Variants in SNRPN observed in about 807,000 individuals in gnomAD.
The protein encoded by SNRPN is small nuclear ribonucleoprotein-associated protein N.
A neutral mutation model predicts 25.2 loss-of-function variants in SNRPN; 7 were observed. The ratio of observed to expected loss-of-function variants is 0.28; its 90% CI spans 0.16 to 0.52. The LOEUF is 0.52. Ranked by LOEUF, SNRPN falls within the 20% of genes least tolerant of loss-of-function variation. SNRPN has a pLI of 0.96. For synonymous variants in SNRPN, 124 were observed against 110.6 expected, an observed-to-expected ratio of 1.12 and a Z score of -0.76; for missense variants, 196 against 322.5, an observed-to-expected ratio of 0.61 and a Z score of 3.00.
At chr15:24,946,478 T>C (rs2061894833) in intron 3 of SNRPN, among the ~76,000 whole-genome samples, 1 of 152,162 alleles carries the variant, frequency 6.6e-6, no homozygotes, top group Non-Finnish European at 1.5e-5. Context: ...TTTTGTTTTT[T>C]TGAGACGAAG....
intron 2 of SNRPN, among the ~76,000 whole-genome samples, chr15:24,904,409 C>T (rs1447506875): frequency 1.3e-5 from 2 of 152,126 alleles, no homozygotes; most frequent in Non-Finnish European, 2.9e-5. Flanking sequence ...AATCCTAGCA[C>T]TTTGGAAGGC....
intron 2 of SNRPN, among the ~76,000 whole-genome samples, chr15:24,886,866 A>G (rs567849182): frequency 6.6e-6 from 1 of 152,272 alleles, no homozygotes; most frequent in East Asian, 1.9e-4. Flanking sequence ...TCCTAATGTT[A>G]CATTTCTTCT....
intron 3 of SNRPN, chr15:24,968,809 ATAT>A (rs1170331971): frequency 6.6e-6 from 1 of 152,192 alleles, no homozygotes; most frequent in Non-Finnish European, 1.5e-5. Context: ...TGTAATAAAA[ATAT>A]TATTCATAAT....
intron 1 of SNRPN, among the ~76,000 whole-genome samples, chr15:24,870,506 C>G (rs2148711688): frequency 6.6e-6 from 1 of 152,230 alleles, no homozygotes; most frequent in Middle Eastern, 3.4e-3. Flanking sequence ...GTTGTAACCC[C>G]CACTCTAACA....
At chr15:24,890,668 G>T (rs899241411) in intron 2 of SNRPN, among the ~76,000 whole-genome samples, 3 of 152,132 alleles carry the variant, frequency 2.0e-5, no homozygotes, top group African/African-American at 7.2e-5. Context: ...AACAGAGCGA[G>T]ACTCTGTCTC....
At chr15:24,840,383 G>A (rs532295733) in intron 2 of SNRPN, among the ~76,000 whole-genome samples, 2 of 152,160 alleles carry the variant, frequency 1.3e-5, no homozygotes, top group African/African-American at 4.8e-5. Context: ...AAATAAAGAG[G>A]GATATTTGGT....
intron 2 of SNRPN, among the ~76,000 whole-genome samples, chr15:24,965,517 A>G (rs2075484744): frequency 6.6e-6 from 1 of 152,238 alleles, no homozygotes; most frequent in South Asian, 2.1e-4. Context: ...CCTGGGTGAC[A>G]TAGCAAGACT....
chr15:24,899,670 G>A (rs1179631173), intron 2 of SNRPN, among the ~76,000 whole-genome samples: 4 of 152,188 alleles, frequency 2.6e-5, no homozygotes, highest in African/African-American at 9.6e-5. Context: ...TTCTAGTGTA[G>A]TGCTTCCAAT....
intron 2 of SNRPN, chr15:24,850,231 TAAC>T (rs1482941740): frequency 6.6e-6 from 1 of 152,242 alleles, no homozygotes; most frequent in East Asian, 1.9e-4. Flanking sequence ...ATAGTGATTG[TAAC>T]AACACTTGAC....
In SNRPN at chr15:24,885,748, G is replaced by GTGTA. The variant is rs1555389077; in HGVS notation, c.-578-765_-578-764insATGT. 5.0e-3 allele frequency among the ~76,000 whole-genome samples: 753 copies of GTGTA among 150,526 alleles called. 9 individuals are homozygous for GTGTA. The highest frequency in any genetic ancestry group is 0.017 in the African/African-American group (711 of 41,288). On this transcript the variant is annotated intron_variant, in intron 1 of 11. Coordinates refer to the SNRPN transcript ENST00000400097. Reference sequence around the variant, plus strand: ...TGTGTGTGTGTGTGTGTGTGTGTGTGTGTGTATGTCTGGGTGTGTGAATAT... The same window carrying GTGTA: ...TGTGTGTGTGTGTGTGTGTGTGTGTGTGTATGTGTATGTCTGGGTGTGTGAATAT...
At chr15:24,876,004 A>T (rs1238373432) in intron 1 of SNRPN, among the ~76,000 whole-genome samples, 2 of 151,654 alleles carry the variant, frequency 1.3e-5, no homozygotes, top group Non-Finnish European at 2.9e-5. Context: ...CAGTGAGCCG[A>T]GACTGTGCCA....
chr15:24,964,143 A>C (rs563030098), intron 2 of SNRPN, among the ~76,000 whole-genome samples: 18 of 152,052 alleles, frequency 1.2e-4, no homozygotes, highest in African/African-American at 4.3e-4. Context: ...TACTATAGTG[A>C]GTATATTTAA....
chr15:24,976,470 T>C (rs2077072340), intron 6 of SNRPN, 54 bp downstream of exon 6: 2 of 1,174,470 alleles, frequency 1.7e-6, no homozygotes, highest in African/African-American at 1.5e-5. Context: ...CATCATATTA[T>C]GTGAGATGTC....
At chr15:24,951,949 A>G (rs1194234842), upstream of SNRPN, among the ~76,000 whole-genome samples, 1 of 152,118 alleles carries the variant, frequency 6.6e-6, no homozygotes, top group East Asian at 1.9e-4. Flanking sequence ...AACTGTGATG[A>G]AGTTCAGTTT....
At chr15:24,853,141 A>G (rs2053036655), upstream of SNRPN, among the ~76,000 whole-genome samples, 1 of 152,160 alleles carries the variant, frequency 6.6e-6, no homozygotes, top group Non-Finnish European at 1.5e-5. Flanking sequence ...AGTTTTCCTT[A>G]TTATAAATCT....
chr15:24,846,510 T>C (rs963501476), intron 2 of SNRPN, among the ~76,000 whole-genome samples: 8 of 152,240 alleles, frequency 5.3e-5, no homozygotes, highest in Non-Finnish European at 1.2e-4. Context: ...ATGTGCATTA[T>C]TCTGTGGAAA....
chr15:24,928,477 CAG>C (rs963663685), intron 3 of SNRPN, among the ~76,000 whole-genome samples: 1 of 151,760 alleles, frequency 6.6e-6, no homozygotes, highest in African/African-American at 2.4e-5. Context: ...AAGCCAGGCA[CAG>C]AAATATAAAT....
intron 1 of SNRPN, among the ~76,000 whole-genome samples, chr15:24,878,861 A>G (rs929411057): frequency 5.3e-5 from 8 of 152,018 alleles, no homozygotes; most frequent in Non-Finnish European, 5.9e-5. Flanking sequence ...AAGATTCTTT[A>G]TATATTCTTT....
intron 1 of SNRPN, among the ~76,000 whole-genome samples, chr15:24,879,446 A>AAAG (rs1555387529): frequency 6.6e-6 from 1 of 151,982 alleles, no homozygotes; most frequent in African/African-American, 2.4e-5. Context: ...CTACAAAAAA[A>AAAG]AAAGAAAGAA....
Sources: allele counts gnomAD v4.1 joint callset (sites outside exome capture counted in the v4.1 genomes callset), GRCh38; gene constraint gnomAD v4.1.1; transcripts MANE v1.5; gene names NCBI Gene and HGNC (gene_info 2026-07-23, HGNC 2026-07-21).